NLGN1: variants seen among roughly 807,000 people sequenced by gnomAD.
NLGN1 encodes the protein neuroligin 1.
In NLGN1, 12 loss-of-function variants were observed where a neutral mutation model predicts 65.5. That is an observed-to-expected ratio of 0.18 (90% CI 0.12 to 0.30). The LOEUF (loss-of-function observed/expected upper bound fraction) is 0.30, where lower values mean the gene tolerates loss of function less well. NLGN1 is among the 10% of genes least tolerant of loss of function. The pLI is 1.00. For missense variants in NLGN1, 750 were observed against 1,007.1 expected (o/e 0.74, Z 3.46); for synonymous variants, 350 against 359.5 (o/e 0.97, Z 0.30).
intron 3 of NLGN1, among the ~76,000 whole-genome samples, chr3:173,647,389 A>G (rs2045738354): frequency 6.6e-6 from 1 of 152,038 alleles, no homozygotes; most frequent in South Asian, 2.1e-4. Context: ...GGAGCAAAAT[A>G]CTCATTCTTT....
chr3:173,756,244 A>G (rs2129933), intron 3 of NLGN1, among the ~76,000 whole-genome samples: 127,437 of 151,770 alleles, frequency 0.84, 53,911 homozygotes, highest in East Asian at 1. Flanking sequence ...AATGATAAAA[A>G]CATAAAAATC....
At position 173,530,758 on chromosome 3, in the gene NLGN1, A is replaced by G. The variant is rs191252906; in HGVS notation, c.-320-73521A>G. On this transcript the variant is annotated intron_variant, in intron 2 of 6. Coordinates refer to ENST00000457714, the Ensembl canonical transcript of NLGN1. ...AGCAAATGCCTGCTCTTTTGTTTTAATTCTGAAAACAGAGTTTAAATAATT... is the reference window on the plus strand; with the variant it reads ...AGCAAATGCCTGCTCTTTTGTTTTAGTTCTGAAAACAGAGTTTAAATAATT... Among the ~76,000 whole-genome samples the G allele has an allele frequency of 2.6e-5, 4 of 152,264 alleles. No individual in the cohort carries two copies. In the East Asian group the frequency reaches 5.8e-4, roughly 22 times the overall value.
chr3:174,144,874 T>C (rs557802220), intron 4 of NLGN1, among the ~76,000 whole-genome samples: 1 of 152,310 alleles, frequency 6.6e-6, no homozygotes, highest in South Asian at 2.1e-4. Context: ...CTAATGATAG[T>C]TTCTTTTGCT....
At chr3:173,781,081 C>T (rs1036975147) in intron 3 of NLGN1, among the ~76,000 whole-genome samples, 11 of 136,654 alleles carry the variant, frequency 8.0e-5, no homozygotes, top group Admixed American at 3.3e-4. Context: ...GAGGGTGGAG[C>T]TTGCCGTGAG....
chr3:173,535,505 A>T (rs541495345), intron 2 of NLGN1, among the ~76,000 whole-genome samples: 23 of 152,260 alleles, frequency 1.5e-4, no homozygotes, highest in South Asian at 6.2e-4. Context: ...ATATCAGATC[A>T]TAAGTGACAG....
At chr3:174,064,856 T>C (rs1738172858) in intron 4 of NLGN1, among the ~76,000 whole-genome samples, 1 of 150,480 alleles carries the variant, frequency 6.6e-6, no homozygotes, top group Non-Finnish European at 1.5e-5. Flanking sequence ...ATACATTATA[T>C]TAATACACAT....
chr3:173,936,842 TA>T (rs1490382466), intron 4 of NLGN1, among the ~76,000 whole-genome samples: 2 of 152,036 alleles, frequency 1.3e-5, no homozygotes, highest in African/African-American at 4.8e-5. Flanking sequence ...ATTTAAAAAT[TA>T]GAGAATTTTG....
chr3:174,242,415 G>A (rs1396371144), intron 4 of NLGN1, among the ~76,000 whole-genome samples: 1 of 152,022 alleles, frequency 6.6e-6, no homozygotes, highest in African/African-American at 2.4e-5. Context: ...AAAAAATCAG[G>A]TGGCATAGCA....
intron 4 of NLGN1, among the ~76,000 whole-genome samples, chr3:173,930,873 T>C (rs984148822): frequency 4.6e-5 from 7 of 152,202 alleles, no homozygotes; most frequent in Non-Finnish European, 4.4e-5. Flanking sequence ...TTAAAATCTG[T>C]GTGGCCTCCA....
At chr3:173,409,957 G>T (rs1712165306) in intron 1 of NLGN1, among the ~76,000 whole-genome samples, 1 of 152,136 alleles carries the variant, frequency 6.6e-6, no homozygotes, top group Admixed American at 6.6e-5. Context: ...GAGAGGGTGG[G>T]AGATTGAGGA....
intron 3 of NLGN1, chr3:173,800,167 C>A (rs757616684): frequency 4.6e-6 from 1 of 216,252 alleles, no homozygotes; most frequent in African/African-American, 2.4e-5. Context: ...GATGTGACCA[C>A]TTCCCCACTC....
intron 4 of NLGN1, among the ~76,000 whole-genome samples, chr3:174,082,442 C>T (rs992900102): frequency 4.6e-5 from 7 of 151,936 alleles, no homozygotes; most frequent in Non-Finnish European, 1.0e-4. Context: ...TTTTCTATGA[C>T]TTTTCATTTA....
intron 2 of NLGN1, among the ~76,000 whole-genome samples, chr3:173,595,782 G>T (rs1162478774): frequency 6.6e-6 from 1 of 152,204 alleles, no homozygotes; most frequent in African/African-American, 2.4e-5. Flanking sequence ...CACTTCTTAT[G>T]TGGTGGTGGC....
chr3:174,246,850 A>G (rs1743885548), intron 4 of NLGN1, among the ~76,000 whole-genome samples: 1 of 152,146 alleles, frequency 6.6e-6, no homozygotes, highest in Admixed American at 6.5e-5. Context: ...GGTCACATTG[A>G]TGGATTGGAT....
intron 1 of NLGN1, among the ~76,000 whole-genome samples, chr3:173,433,167 C>T (rs1717500442): frequency 6.6e-6 from 1 of 152,186 alleles, no homozygotes; most frequent in African/African-American, 2.4e-5. Flanking sequence ...GAACCAATCT[C>T]CCATTGCTGC....
intron 3 of NLGN1, among the ~76,000 whole-genome samples, chr3:173,641,326 A>AT (rs1400891760): frequency 6.6e-6 from 1 of 151,964 alleles, no homozygotes; most frequent in Non-Finnish European, 1.5e-5. Flanking sequence ...TATTATTATT[A>AT]TTTTTTAGAT....
At chr3:173,584,289 G>A (rs116620515) in intron 2 of NLGN1, among the ~76,000 whole-genome samples, 3,550 of 150,338 alleles carry the variant, frequency 0.024, 56 homozygotes, top group Middle Eastern at 0.048. Context: ...AAAAAAAAGT[G>A]AGATCCCTGC....
rs80133828 is a variant in NLGN1 at position 174,052,783 on chromosome 3, G to A, written c.647-222532G>A. ...AATGGCAGGGATCTGTGTGATTTTC[G>A]GTACTGGAAATTAGACAACAAAATT... On this transcript the variant is annotated intron_variant, in intron 4 of 6. Coordinates refer to ENST00000457714, the Ensembl canonical transcript of NLGN1. Among the ~76,000 whole-genome samples, 953 of 151,922 alleles carry A rather than the reference G, an allele frequency of 6.3e-3. 22 individuals carry two copies. The highest frequency in any genetic ancestry group is 0.039 in the East Asian group (199 of 5,140).
intron 2 of NLGN1, among the ~76,000 whole-genome samples, chr3:173,461,510 C>T (rs1723386650): frequency 6.6e-6 from 1 of 152,048 alleles, no homozygotes; most frequent in Admixed American, 6.6e-5. Flanking sequence ...TACTCAACCT[C>T]ACTCTATTTG....
Sources: gnomAD v4.1 joint callset for allele counts (sites outside exome capture counted in the v4.1 genomes callset) on GRCh38, gnomAD v4.1.1 for gene constraint, MANE v1.5 for transcripts, NCBI Gene and HGNC (gene_info 2026-07-23, HGNC 2026-07-21) for gene names.